RABGAP1L: variants seen among roughly 807,000 people sequenced by gnomAD.
The protein encoded by RABGAP1L is rab GTPase-activating protein 1-like.
In RABGAP1L, 63 loss-of-function variants were observed where a neutral mutation model predicts 137.7. The observed-to-expected ratio is 0.46, with a 90% CI of 0.37 to 0.56. RABGAP1L has a LOEUF of 0.56. RABGAP1L is among the 20% of genes least tolerant of loss of function. RABGAP1L has a pLI of 0.00. For missense variants in RABGAP1L, 1,095 were observed against 1,244.0 expected (o/e 0.88, Z 1.80); for synonymous variants, 431 against 433.7 (o/e 0.99, Z 0.08).
chr1:174,735,598 G>A (rs1159352197), intron 17 of RABGAP1L, among the ~76,000 whole-genome samples: 7 of 54,316 alleles, frequency 1.3e-4, no homozygotes, highest in African/African-American at 5.4e-4. Context: ...GGCAACAAGA[G>A]CAAAACTCCA....
intron 1 of RABGAP1L, among the ~76,000 whole-genome samples, chr1:174,170,664 G>A (rs1309025592): frequency 2.4e-5 from 3 of 126,394 alleles, no homozygotes; most frequent in African/African-American, 3.3e-5. Context: ...AGAGTGAGAC[G>A]CTGTTTCAAA....
At chr1:174,416,684 TC>T (rs1399994641) in intron 13 of RABGAP1L, among the ~76,000 whole-genome samples, 4 of 152,126 alleles carry the variant, frequency 2.6e-5, no homozygotes, top group African/African-American at 4.8e-5. Flanking sequence ...AATTTAAAAA[TC>T]TAACCATTAC....
intron 12 of RABGAP1L, among the ~76,000 whole-genome samples, chr1:174,385,664 G>A (rs1398978590): frequency 6.6e-6 from 1 of 152,196 alleles, no homozygotes. Context: ...GCCCAAGAAA[G>A]TACAACCAGT....
intron 19 of RABGAP1L, chr1:174,892,942 G>A (rs539908968): frequency 1.2e-5 from 2 of 172,202 alleles, no homozygotes; most frequent in African/African-American, 6.0e-5. Context: ...TAGAGACAGG[G>A]TTTCACCATA....
chr1:174,310,888 CTT>C (rs1183091045), intron 11 of RABGAP1L, among the ~76,000 whole-genome samples: 5 of 152,240 alleles, frequency 3.3e-5, no homozygotes, highest in East Asian at 1.9e-4. Context: ...TCATATAACT[CTT>C]TGAGTTACAC....
chr1:174,395,558 A>G (rs1388839145), intron 13 of RABGAP1L, among the ~76,000 whole-genome samples: 1 of 152,136 alleles, frequency 6.6e-6, no homozygotes, highest in Non-Finnish European at 1.5e-5. Flanking sequence ...ACTATAAAAA[A>G]CTCTTACATC....
chr1:174,345,922 G>A (rs1486146225), intron 11 of RABGAP1L, among the ~76,000 whole-genome samples: 1 of 151,954 alleles, frequency 6.6e-6, no homozygotes, highest in African/African-American at 2.4e-5. Context: ...TGTTGCTTCT[G>A]TATCCAGTTT....
intron 13 of RABGAP1L, among the ~76,000 whole-genome samples, chr1:174,437,295 A>C (rs1279026290): frequency 6.6e-6 from 1 of 152,204 alleles, no homozygotes; most frequent in Admixed American, 6.5e-5. Flanking sequence ...AGTTCGAACC[A>C]ATGGCAAAGA....
intron 19 of RABGAP1L, among the ~76,000 whole-genome samples, chr1:174,864,251 T>A (rs1421472088): frequency 6.6e-6 from 1 of 152,212 alleles, no homozygotes; most frequent in Non-Finnish European, 1.5e-5. Flanking sequence ...ATACTTAATT[T>A]AGCCTTGGTG....
At chr1:174,702,389 G>A in intron 17 of RABGAP1L, 133 bp downstream of exon 17, 1 of 656,636 alleles carries the variant, frequency 1.5e-6, no homozygotes, top group Non-Finnish European at 2.4e-6. Flanking sequence ...AGCTGTATTT[G>A]AATTTTCAGT....
At chr1:174,614,045 T>A (rs1671540004) in intron 13 of RABGAP1L, among the ~76,000 whole-genome samples, 1 of 152,232 alleles carries the variant, frequency 6.6e-6, no homozygotes, top group African/African-American at 2.4e-5. Flanking sequence ...TTGGAGCATT[T>A]ATTCCATTTA....
At chr1:174,355,502 T>G (rs1368002502) in intron 11 of RABGAP1L, among the ~76,000 whole-genome samples, 1 of 150,334 alleles carries the variant, frequency 6.7e-6, no homozygotes, top group Non-Finnish European at 1.5e-5. Context: ...TTAGGAGATA[T>G]ACCTAATGCT....
At chr1:174,294,190 TTG>T (rs1345329122) in intron 10 of RABGAP1L, among the ~76,000 whole-genome samples, 1 of 152,210 alleles carries the variant, frequency 6.6e-6, no homozygotes, top group Non-Finnish European at 1.5e-5. Flanking sequence ...TGAGTTATTA[TTG>T]TTGTTAGTAT....
chr1:174,532,258 G>T (rs1329422054), intron 13 of RABGAP1L, among the ~76,000 whole-genome samples: 3 of 151,552 alleles, frequency 2.0e-5, no homozygotes, highest in African/African-American at 4.9e-5. Context: ...ACCCAGGCTG[G>T]AGTGCAGTGG....
chr1:174,350,223 T>TCG (rs1683006615), intron 11 of RABGAP1L, among the ~76,000 whole-genome samples: 1 of 131,466 alleles, frequency 7.6e-6, no homozygotes, highest in Non-Finnish European at 1.7e-5. Context: ...ACGGGGTGGC[T>TCG]GCCGGGCGGA....
At chr1:174,556,970 A>G (rs984687290) in intron 13 of RABGAP1L, among the ~76,000 whole-genome samples, 1 of 152,190 alleles carries the variant, frequency 6.6e-6, no homozygotes, top group African/African-American at 2.4e-5. Flanking sequence ...TTAATGCCAT[A>G]TGTCTGCAAA....
At chr1:174,183,018 T>A (rs1239342039) in intron 1 of RABGAP1L, among the ~76,000 whole-genome samples, 3 of 152,210 alleles carry the variant, frequency 2.0e-5, no homozygotes, top group Non-Finnish European at 4.4e-5. Context: ...ATTCTGTAGT[T>A]TCATAACAGC....
intron 19 of RABGAP1L, among the ~76,000 whole-genome samples, chr1:174,941,059 C>T (rs894149215): frequency 1.7e-4 from 22 of 132,664 alleles, no homozygotes; most frequent in African/African-American, 7.5e-4. Flanking sequence ...TTCAGTAGGC[C>T]CACATTTTGT....
intron 13 of RABGAP1L, among the ~76,000 whole-genome samples, chr1:174,550,895 T>TATACACAC (rs1456087584): frequency 2.0e-5 from 1 of 50,968 alleles, no homozygotes; most frequent in Non-Finnish European, 3.5e-5. Flanking sequence ...TATATATATA[T>TATACACAC]ACACACACAC....
Sources: allele counts gnomAD v4.1 joint callset (sites outside exome capture counted in the v4.1 genomes callset), GRCh38; gene constraint gnomAD v4.1.1; transcripts MANE v1.5; gene names NCBI Gene and HGNC (gene_info 2026-07-23, HGNC 2026-07-21).